NDEL1: variants seen among roughly 807,000 people sequenced by gnomAD.
NDEL1 encodes the protein nuclear distribution protein nudE-like 1.
NDEL1 carries 9 observed loss-of-function variants against 45.7 expected under a neutral mutation model. The observed-to-expected ratio is 0.20, with a 90% CI of 0.12 to 0.34. The LOEUF (loss-of-function observed/expected upper bound fraction) is 0.34. Among genes scored for constraint, NDEL1 ranks in the 10% least tolerant of loss-of-function variants. The probability of loss-of-function intolerance (pLI) is 1.00; values close to 1 mark genes in which losing one functional copy is unlikely to be tolerated. For missense variants in NDEL1, 306 were observed against 406.2 expected, an observed-to-expected ratio of 0.75 and a Z score of 2.12; for synonymous variants, 133 against 158.6, an observed-to-expected ratio of 0.84 and a Z score of 1.21.
intron 8 of NDEL1, chr17:8,463,031 C>T (rs1164158985): frequency 1.8e-5 from 5 of 276,236 alleles, no homozygotes; most frequent in East Asian, 7.7e-5. Flanking sequence ...CATGGGCTGC[C>T]GTGCCTGCTT....
intron 1 of NDEL1, among the ~76,000 whole-genome samples, chr17:8,416,508 A>G (rs1908548452): frequency 6.6e-6 from 1 of 152,174 alleles, no homozygotes; most frequent in Admixed American, 6.6e-5. Context: ...CATTGTTTTC[A>G]AGCTTCTAGT....
intron 1 of NDEL1, among the ~76,000 whole-genome samples, chr17:8,425,225 T>G (rs1908802211): frequency 6.6e-6 from 1 of 152,242 alleles, no homozygotes; most frequent in Non-Finnish European, 1.5e-5. Flanking sequence ...ATTTAAAAAT[T>G]TTGTCAATTG....
downstream of NDEL1, among the ~76,000 whole-genome samples, chr17:8,468,627 T>G (rs1461373847): frequency 6.6e-6 from 1 of 152,252 alleles, no homozygotes; most frequent in Non-Finnish European, 1.5e-5. Flanking sequence ...CAAGACACAT[T>G]GAAGAACGCG....
intron 4 of NDEL1, 84 bp from the exon 5 acceptor site, chr17:8,448,466 C>G (rs982259707): frequency 1.8e-5 from 26 of 1,415,374 alleles, no homozygotes; most frequent in South Asian, 6.8e-5. Flanking sequence ...GGAAATGTCA[C>G]GAGATAAACT....
At chr17:8,458,426 C>T (rs1910988133) in intron 7 of NDEL1, among the ~76,000 whole-genome samples, 1 of 152,040 alleles carries the variant, frequency 6.6e-6, no homozygotes, top group African/African-American at 2.4e-5. Flanking sequence ...ACCTGGTGCT[C>T]GTGCTTGGAT....
chr17:8,438,531 T>A (rs2151706991), intron 1 of NDEL1, among the ~76,000 whole-genome samples: 1 of 152,270 alleles, frequency 6.6e-6, no homozygotes, highest in South Asian at 2.1e-4. Context: ...TTTTATTTTT[T>A]TGGAGGCAGG....
chr17:8,435,345 T>G (rs1909208258), upstream of NDEL1, among the ~76,000 whole-genome samples: 1 of 152,222 alleles, frequency 6.6e-6, no homozygotes, highest in Non-Finnish European at 1.5e-5. Flanking sequence ...TCTGTTGGGA[T>G]GAGCAAGGCA....
upstream of NDEL1, among the ~76,000 whole-genome samples, chr17:8,432,657 T>C (rs1453375759): frequency 2.6e-5 from 4 of 152,020 alleles, no homozygotes; most frequent in Non-Finnish European, 5.9e-5. Flanking sequence ...GTGCTGGGAT[T>C]ACAGGCATGA....
intron 7 of NDEL1, among the ~76,000 whole-genome samples, chr17:8,458,213 T>C (rs1161186489): frequency 6.6e-6 from 1 of 152,122 alleles, no homozygotes; most frequent in Non-Finnish European, 1.5e-5. Context: ...TCTCTGATGC[T>C]GTTTCATGGC....
rs539740508 is a variant in NDEL1 at position 8,428,894 on chromosome 17, C to G, written c.-12-15366C>G. On this transcript the variant is annotated intron_variant, in intron 1 of 4. Coordinates refer to the NDEL1 transcript ENST00000582812. ...TTCACCGTGTTAGCCAAGATGGTCT[C>G]GATCTCCTGACCTTGTGATCTGCCT... 2.0e-4 allele frequency among the ~76,000 whole-genome samples: 31 copies of G among 151,898 alleles called. No homozygotes were observed. The South Asian group carries it at 3.3e-3, about 16-fold the overall frequency.
downstream of NDEL1, among the ~76,000 whole-genome samples, chr17:8,468,791 G>A (rs747300294): frequency 1.3e-5 from 2 of 152,228 alleles, no homozygotes; most frequent in Non-Finnish European, 2.9e-5. Context: ...GGATCACAAG[G>A]TCAGGAGTTC....
At position 8,450,964 on chromosome 17, in the gene NDEL1, T is replaced by C. The variant is rs529473752; in HGVS notation, c.700+11T>C. On this transcript the variant is annotated intron_variant, in intron 6 of 8. Transcript: ENST00000334527. ...TTCCTTCACCGAAAGGTTTGTAATGTCTTTTCTTTTTGAGGCGATGTGTTA... is the reference window on the plus strand; with the variant it reads ...TTCCTTCACCGAAAGGTTTGTAATGCCTTTTCTTTTTGAGGCGATGTGTTA... The C allele has an allele frequency of 6.3e-7, 1 of 1,597,546 alleles. No homozygotes were observed. The highest frequency in any genetic ancestry group is 8.5e-7 in the Non-Finnish European group (1 of 1,173,564).
intron 1 of NDEL1, among the ~76,000 whole-genome samples, chr17:8,439,671 T>A (rs1909607872): frequency 6.6e-6 from 1 of 152,226 alleles, no homozygotes; most frequent in South Asian, 2.1e-4. Flanking sequence ...ATTCCTGAAA[T>A]GATCAGTTTT....
rs557892378 is a variant in NDEL1 at position 8,428,964 on chromosome 17, C to T, written c.-12-15296C>T. Among the ~76,000 whole-genome samples, 360 of 152,320 alleles carry T rather than the reference C, an allele frequency of 2.4e-3. 1 individual carries two copies. Among genetic ancestry groups the T allele is most frequent in the African/African-American group, 7.9e-3 (330 of 41,574 alleles). ...CTGGGATTACAGGCATGAGCCACCGCGCCCGGCCTATTTTTAAGATTTTAA... is the reference window on the plus strand; with the variant it reads ...CTGGGATTACAGGCATGAGCCACCGTGCCCGGCCTATTTTTAAGATTTTAA... On this transcript the variant is annotated intron_variant, in intron 1 of 4. Transcript: ENST00000582812.
At chr17:8,461,920 GC>G (rs1911235820) in intron 8 of NDEL1, among the ~76,000 whole-genome samples, 1 of 152,070 alleles carries the variant, frequency 6.6e-6, no homozygotes, top group East Asian at 1.9e-4. Flanking sequence ...GCGTGTGGAA[GC>G]CCTGAAGAAC....
At chr17:8,441,049 G>A (rs1365014431) in intron 1 of NDEL1, among the ~76,000 whole-genome samples, 2 of 152,134 alleles carry the variant, frequency 1.3e-5, no homozygotes, top group East Asian at 1.9e-4. Flanking sequence ...TAATGATACC[G>A]GTTCATGGGC....
intron 1 of NDEL1, among the ~76,000 whole-genome samples, chr17:8,428,514 G>GCA (rs1567721315): frequency 1.3e-5 from 2 of 151,196 alleles, no homozygotes; most frequent in African/African-American, 4.9e-5. Flanking sequence ...ACAGGCATGT[G>GCA]CCACCACACC....
intron 7 of NDEL1, among the ~76,000 whole-genome samples, chr17:8,455,306 T>C (rs1222603155): frequency 1.3e-5 from 2 of 152,232 alleles, no homozygotes; most frequent in Non-Finnish European, 2.9e-5. Flanking sequence ...CTACTTTTAG[T>C]CTTGCCCACC....
rs1479451082 is a variant in NDEL1 at position 8,460,114 on chromosome 17, G to GGCAATA, written c.901_902insATAGCA (p.Gly300_Thr301insAsnSer). The GGCAATA allele has an allele frequency of 2.5e-6, 4 of 1,614,010 alleles. No individual in the cohort carries two copies. The highest frequency in any genetic ancestry group is 1.7e-5 in the Admixed American group (1 of 59,996). The stretch of plus-strand genomic sequence containing the variant: ...TAACTGTGGGGTGCTGAATGGCAAT[G>GGCAATA]GCACAAAGTTCTCTCGATCAGGGCA... On this transcript the variant is annotated inframe_insertion, in exon 8 of 9. Coordinates refer to ENST00000334527, the MANE Select transcript of NDEL1 (RefSeq NM_030808.5).
Sources: allele counts gnomAD v4.1 joint callset (sites outside exome capture counted in the v4.1 genomes callset), GRCh38; gene constraint gnomAD v4.1.1; transcripts MANE v1.5; gene names NCBI Gene and HGNC (gene_info 2026-07-23, HGNC 2026-07-21).